Variants in PCDH7 observed in about 807,000 individuals in gnomAD.
PCDH7 encodes the protein protocadherin-7.
In PCDH7, 17 loss-of-function variants were observed where a neutral mutation model predicts 58.9. That is an observed-to-expected ratio of 0.29 (90% CI 0.20 to 0.43). PCDH7 has a LOEUF of 0.43. PCDH7 is among the 20% of genes least tolerant of loss of function. The pLI is 1.00. For missense variants in PCDH7, 1,274 were observed against 1,441.0 expected (o/e 0.88, Z 1.88); for synonymous variants, 664 against 616.4 (o/e 1.08, Z -1.14).
rs5857218 is a variant in PCDH7 at position 31,028,657 on chromosome 4, C to CA, written c.*7+78457dup. ...TAAGCACCAGAACAAGACCCTGCTT[C>CA]AAAAAAAAAAAAAAATACCCAAACT... is the stretch of plus-strand genomic sequence containing the variant. On this transcript the variant is annotated intron_variant, in intron 3 of 3. Transcript: ENST00000509759. Among the ~76,000 whole-genome samples, 406 of 134,890 alleles carry CA rather than the reference C, an allele frequency of 3.0e-3. 4 individuals are homozygous for CA. Among genetic ancestry groups the CA allele is most frequent in the Middle Eastern group, 0.026 (6 of 232 alleles). The allele number at this position is 134,890 out of a possible 152,430, so 88.5% of individuals were successfully genotyped here.
intron 1 of PCDH7, among the ~76,000 whole-genome samples, chr4:30,859,426 C>G (rs1733905323): frequency 6.6e-6 from 1 of 151,462 alleles, no homozygotes; most frequent in African/African-American, 2.4e-5. Flanking sequence ...AGAGAAAGCT[C>G]TAATTCTTCT....
At chr4:30,773,924 A>G in intron 1 of PCDH7, among the ~76,000 whole-genome samples, 1 of 152,118 alleles carries the variant, frequency 6.6e-6, no homozygotes, top group Non-Finnish European at 1.5e-5. Context: ...TTTTTATGAC[A>G]TTGGAAGACA....
intron 1 of PCDH7, among the ~76,000 whole-genome samples, chr4:30,844,764 G>A (rs1183103963): frequency 6.6e-6 from 1 of 152,144 alleles, no homozygotes; most frequent in Non-Finnish European, 1.5e-5. Flanking sequence ...GGCTGTGGTA[G>A]ATATTGGAAA....
At chr4:31,063,741 T>C (rs1757868503) in intron 3 of PCDH7, among the ~76,000 whole-genome samples, 1 of 151,982 alleles carries the variant, frequency 6.6e-6, no homozygotes, top group African/African-American at 2.4e-5. Context: ...CCTCATTCTA[T>C]AGAGTATAAT....
intron 3 of PCDH7, among the ~76,000 whole-genome samples, chr4:31,025,038 C>A (rs998895451): frequency 6.6e-6 from 1 of 152,122 alleles, no homozygotes; most frequent in Non-Finnish European, 1.5e-5. Context: ...CCACTGCGCC[C>A]GGCCTGTGTG....
intron 2 of PCDH7, among the ~76,000 whole-genome samples, chr4:30,943,566 A>C (rs764641947): frequency 1.1e-4 from 16 of 152,106 alleles, no homozygotes; most frequent in Non-Finnish European, 1.8e-4. Context: ...CCTTTCTTTC[A>C]TCAGAGTGGT....
intron 3 of PCDH7, among the ~76,000 whole-genome samples, chr4:31,070,008 G>C (rs979763566): frequency 6.6e-6 from 1 of 151,924 alleles, no homozygotes; most frequent in Non-Finnish European, 1.5e-5. Context: ...GAGATCTTTA[G>C]ATTAACTGAG....
At position 30,722,236 on chromosome 4, in the gene PCDH7, G is replaced by C; in HGVS notation, c.814G>C (p.Asp272His). ...GGGGGCGCTGGACCGCGAGCAGCGC[G>C]ACTCCTACGAGCTGACCCTGCGAGT... is the stretch of plus-strand genomic sequence containing the variant. The change falls in exon 1 of 2, where the codon GAC (aspartate) becomes CAC (histidine). Residue 272 changes from aspartate (D) to histidine (H), a missense_variant. By Grantham distance (81) the Asp-to-His change is moderately conservative (BLOSUM62 -1). Around this residue, in one of 3 missense-constraint regions of PCDH7, gnomAD observed 331 missense variants for 303.2 expected, o/e 1.09. Transcript: ENST00000361762. This position sits in a 1 kb window ranked among gnomAD's most constrained non-coding sequence, Gnocchi z 7.6. 1.3e-6 allele frequency: 2 copies of C among 1,593,518 alleles called. No homozygotes were observed. The highest frequency in any genetic ancestry group is 1.7e-6 in the Non-Finnish European group (2 of 1,171,034).
chr4:31,081,165 T>C (rs777993435), intron 3 of PCDH7, among the ~76,000 whole-genome samples: 1 of 152,228 alleles, frequency 6.6e-6, no homozygotes, highest in African/African-American at 2.4e-5. Context: ...AAACTCTAAA[T>C]GGAATTTCTG....
At chr4:30,748,254 T>C (rs1450330887) in intron 1 of PCDH7, among the ~76,000 whole-genome samples, 1 of 152,182 alleles carries the variant, frequency 6.6e-6, no homozygotes, top group Non-Finnish European at 1.5e-5. Flanking sequence ...GAAGGGGTGG[T>C]GAGGCCAGGC....
intron 3 of PCDH7, among the ~76,000 whole-genome samples, chr4:31,120,441 CTT>C (rs138878762): frequency 0.48 from 51,718 of 107,538 alleles, 11,464 homozygotes; most frequent in East Asian, 0.74. Context: ...CTATTTTTTT[CTT>C]TTTTTTTTTT....
At chr4:31,130,329 C>T (rs1237499963) in intron 3 of PCDH7, among the ~76,000 whole-genome samples, 1 of 152,082 alleles carries the variant, frequency 6.6e-6, no homozygotes, top group Non-Finnish European at 1.5e-5. Flanking sequence ...CAGTTGGATA[C>T]TAGAGTGAAG....
chr4:30,957,896 A>C (rs1161731690), intron 3 of PCDH7, among the ~76,000 whole-genome samples: 1 of 152,160 alleles, frequency 6.6e-6, no homozygotes, highest in Non-Finnish European at 1.5e-5. Flanking sequence ...AAGTTAGTGG[A>C]TAATTTCCAA....
chr4:31,045,392 G>C (rs762097125), intron 3 of PCDH7, among the ~76,000 whole-genome samples: 2 of 151,928 alleles, frequency 1.3e-5, no homozygotes, highest in African/African-American at 2.4e-5. Flanking sequence ...GTGTGTCAAA[G>C]GGACAATATG....
chr4:31,141,369 T>C (rs1352089754), intron 3 of PCDH7, among the ~76,000 whole-genome samples: 1 of 152,256 alleles, frequency 6.6e-6, no homozygotes, highest in East Asian at 1.9e-4. Flanking sequence ...TGCAGTCATA[T>C]TATGTTCTTT....
intron 1 of PCDH7, among the ~76,000 whole-genome samples, chr4:30,752,783 C>CAAAAAAAAAAAAAAAAA (rs35860745): frequency 2.0e-5 from 2 of 99,548 alleles, no homozygotes; most frequent in Non-Finnish European, 2.0e-5. Flanking sequence ...CCTGTAGGGG[C>CAAAAAAAAAAAAAAAAA]AAAAAAAAAA....
chr4:30,815,496 G>A (rs1012790294), intron 1 of PCDH7, among the ~76,000 whole-genome samples: 2 of 152,264 alleles, frequency 1.3e-5, no homozygotes, highest in South Asian at 4.2e-4. Flanking sequence ...TGTTTCCAGG[G>A]TTTTCATTTG....
intron 1 of PCDH7, among the ~76,000 whole-genome samples, chr4:30,740,201 A>T (rs137873596): frequency 2.1e-3 from 314 of 152,308 alleles, no homozygotes; most frequent in African/African-American, 7.0e-3. Context: ...TAGAGGGAAC[A>T]CATCTATTTT....
At chr4:30,775,575 T>G (rs1721950989) in intron 1 of PCDH7, among the ~76,000 whole-genome samples, 1 of 152,178 alleles carries the variant, frequency 6.6e-6, no homozygotes, top group Admixed American at 6.5e-5. Context: ...ATTTCGAATT[T>G]TGCTTCTGTT....
Sources: gnomAD v4.1 joint callset for allele counts (sites outside exome capture counted in the v4.1 genomes callset) on GRCh38, gnomAD v4.1.1 for gene constraint, gnomAD v4.1.1 regional missense constraint, Gnocchi (gnomAD v3.1) non-coding constraint, MANE v1.5 for transcripts, NCBI Gene and HGNC (gene_info 2026-07-23, HGNC 2026-07-21) for gene names.